LTBP2: variants seen among roughly 807,000 people sequenced by gnomAD.
The protein encoded by LTBP2 is latent-transforming growth factor beta-binding protein 2.
In LTBP2, 103 loss-of-function variants were observed where a neutral mutation model predicts 210.6. That is an observed-to-expected ratio of 0.49 (90% CI 0.42 to 0.58). The LOEUF (loss-of-function observed/expected upper bound fraction) is 0.58, where lower values mean the gene tolerates loss of function less well. Ranked by LOEUF, LTBP2 falls within the 20% of genes least tolerant of loss-of-function variation. The probability of loss-of-function intolerance (pLI) is 0.00; values close to 1 mark genes in which losing one functional copy is unlikely to be tolerated. For missense variants in LTBP2, 2,313 were observed against 2,494.5 expected (o/e 0.93, Z 1.55); for synonymous variants, 1,007 against 1,015.0 (o/e 0.99, Z 0.15).
chr14:74,516,716 G>A (rs1298261326), intron 18 of LTBP2, 106 bp downstream of exon 18: 12 of 1,449,146 alleles, frequency 8.3e-6, no homozygotes, highest in Non-Finnish European at 1.1e-5. Flanking sequence ...GCATCAAGGG[G>A]CCAGGGCAGA....
intron 1 of LTBP2, among the ~76,000 whole-genome samples, chr14:74,605,673 C>G (rs1379048571): frequency 6.6e-6 from 1 of 152,196 alleles, no homozygotes. Context: ...GACGCAGGAG[C>G]CTGCCTGGCT....
In LTBP2 at chr14:74,508,087, C is replaced by A; in HGVS notation, c.3661G>T (p.Glu1221Ter). The A allele has an allele frequency of 1.9e-6, 3 of 1,613,784 alleles. No individual in the cohort carries two copies. The highest frequency in any genetic ancestry group is 1.3e-5 in the African/African-American group (1 of 75,070). Residue 1221 changes from glutamate to a stop codon, truncating the protein, a stop_gained, in exon 25 of 36, where the codon GAG becomes TAG. Coordinates refer to ENST00000261978, the MANE Select transcript of LTBP2 (RefSeq NM_000428.3). LOFTEE classifies it high-confidence loss of function. ...ACACACGGGTCTGTGGTGGCACACT[C>A]GTCCACATCTAGAGTAGAGATGGCT... ...EGGTSCQDVDECATTDPCVGG... is the reference protein window; with the variant it reads ...EGGTSCQDVD
In LTBP2 at chr14:74,535,967, C is replaced by T; in HGVS notation, c.1823G>A (p.Cys608Tyr). 1 of 1,614,182 alleles carries T rather than the reference C, an allele frequency of 6.2e-7. No individual in the cohort carries two copies. Among genetic ancestry groups the T allele is most frequent in the Non-Finnish European group, 8.5e-7 (1 of 1,180,028 alleles). ...GTTCAGTCTCTTGTACCCCTGAGGA[C>T]ACTCCAGCTGGCCATTCTCAATCAC... ...SPVIENGQLE[C>Y]PQGYKRLNLT... The change falls in exon 9 of 36, where the codon TGT becomes TAT. Residue 608 changes from cysteine (C) to tyrosine (Y), a missense_variant. Coordinates refer to ENST00000261978, the MANE Select transcript of LTBP2 (RefSeq NM_000428.3).
intron 2 of LTBP2, among the ~76,000 whole-genome samples, chr14:74,597,317 T>C (rs993625890): frequency 2.0e-5 from 3 of 152,140 alleles, no homozygotes; most frequent in Non-Finnish European, 4.4e-5. Context: ...TCCTATGGCC[T>C]CCCTCTTTGG....
chr14:74,541,154 T>C (rs1229252618), intron 8 of LTBP2, among the ~76,000 whole-genome samples: 1 of 151,478 alleles, frequency 6.6e-6, no homozygotes, highest in Non-Finnish European at 1.5e-5. Flanking sequence ...GTCACAGCAC[T>C]AGCTTTTGAG....
At chr14:74,527,428 C>T (rs1566624384) in intron 12 of LTBP2, 62 bp from the exon 13 acceptor site, 1 of 1,574,128 alleles carries the variant, frequency 6.4e-7, no homozygotes, top group Admixed American at 1.8e-5. Context: ...TCTCCCCTCA[C>T]CGCCACCTGG....
chr14:74,551,528 C>A (rs187721228), intron 6 of LTBP2, among the ~76,000 whole-genome samples, 178 bp from the exon 7 acceptor site: 2 of 152,198 alleles, frequency 1.3e-5, no homozygotes, highest in Non-Finnish European at 2.9e-5. Flanking sequence ...CTTGTGGGGA[C>A]GGGATGAAGT....
At chr14:74,609,986 C>A (rs1362621586) in intron 1 of LTBP2, among the ~76,000 whole-genome samples, 1 of 152,208 alleles carries the variant, frequency 6.6e-6, no homozygotes, top group East Asian at 1.9e-4. Context: ...TATGTGTAAG[C>A]GACTTGGCAG....
chr14:74,576,314 A>G (rs930770461), intron 3 of LTBP2, among the ~76,000 whole-genome samples: 16 of 152,208 alleles, frequency 1.1e-4, no homozygotes, highest in African/African-American at 3.4e-4. Flanking sequence ...GTGGATATTT[A>G]GTTAGTGAGG....
intron 3 of LTBP2, among the ~76,000 whole-genome samples, chr14:74,560,575 C>T (rs552380389): frequency 1.3e-5 from 2 of 152,198 alleles, no homozygotes; most frequent in East Asian, 1.9e-4. Flanking sequence ...GACAAGTGGG[C>T]GAGGAGCTCT....
rs370277635 is a variant in LTBP2, at chr14:74,504,764, A to T, written c.4453+14T>A. On this transcript the variant is annotated intron_variant, in intron 30 of 35. Coordinates refer to ENST00000261978, the MANE Select transcript of LTBP2 (RefSeq NM_000428.3). ...CAGGTGAAGGAGTTTGGGGCAGAGG[A>T]TGGAGCAGATTACCTGTGTACATGG... 6.2e-7 allele frequency: 1 copy of T among 1,613,518 alleles called. No homozygotes were observed. The highest frequency in any genetic ancestry group is 1.3e-5 in the African/African-American group (1 of 74,924).
chr14:74,611,329 A>G, intron 1 of LTBP2, 122 bp downstream of exon 1: 1 of 1,154,176 alleles, frequency 8.7e-7, no homozygotes. Context: ...TGTTTCCCGA[A>G]GTACTAAAGA....
chr14:74,576,280 C>T (rs1050877686), intron 3 of LTBP2, among the ~76,000 whole-genome samples: 6 of 152,146 alleles, frequency 3.9e-5, no homozygotes, highest in Non-Finnish European at 7.3e-5. Context: ...ACAGAAGATG[C>T]GTTAGGACAG....
rs1389987186 is a variant in LTBP2 at position 74,510,163 on chromosome 14, T to C, written c.3079A>G (p.Asn1027Asp). 6.2e-7 allele frequency: 1 copy of C among 1,614,110 alleles called. No homozygotes were observed. Among genetic ancestry groups the C allele is most frequent in the East Asian group, 2.2e-5 (1 of 44,872 alleles). ...GAGCATCTGAAGGAGCCTTCTAGGT[T>C]GGTGCACTTTCCATGGGCACAGACC... Reference protein sequence around the residue: ...PGVCAHGKCTNLEGSFRCSCE... With the variant: ...PGVCAHGKCTDLEGSFRCSCE... Residue 1027 changes from asparagine to aspartate, a missense_variant, in exon 20 of 36, where the codon AAC becomes GAC. Transcript: ENST00000261978.
chr14:74,593,032 G>C (rs1383009540), intron 2 of LTBP2, among the ~76,000 whole-genome samples: 1 of 152,174 alleles, frequency 6.6e-6, no homozygotes, highest in East Asian at 1.9e-4. Context: ...TGTGGAGTCA[G>C]CAGGACGCCA....
At chr14:74,518,042 C>T (rs936250208) in intron 17 of LTBP2, among the ~76,000 whole-genome samples, 5 of 152,222 alleles carry the variant, frequency 3.3e-5, no homozygotes, top group East Asian at 1.9e-4. Flanking sequence ...TCTTTCCTCA[C>T]GATGGCCAGC....
At chr14:74,542,585 G>A (rs942043595) in intron 8 of LTBP2, among the ~76,000 whole-genome samples, 1 of 152,186 alleles carries the variant, frequency 6.6e-6, no homozygotes, top group Admixed American at 6.5e-5. Flanking sequence ...GTGACACAGG[G>A]ACGCGTGAGC....
chr14:74,522,501 G>A (rs148671157), intron 16 of LTBP2, among the ~76,000 whole-genome samples: 1 of 152,156 alleles, frequency 6.6e-6, no homozygotes, highest in Non-Finnish European at 1.5e-5. Context: ...TTGAGGGGTG[G>A]GCTGATCTCA....
chr14:74,596,976 T>C (rs911653802), intron 2 of LTBP2, among the ~76,000 whole-genome samples: 4 of 152,202 alleles, frequency 2.6e-5, no homozygotes. Context: ...AGAGGATTCA[T>C]GTGAATTTGG....
Sources: gnomAD v4.1 joint callset for allele counts (sites outside exome capture counted in the v4.1 genomes callset) on GRCh38, gnomAD v4.1.1 for gene constraint, MANE v1.5 for transcripts, NCBI Gene and HGNC (gene_info 2026-07-23, HGNC 2026-07-21) for gene names.